The following ROBO2 variants were observed in gnomAD, a reference collection of about 807,000 sequenced individuals.
ROBO2 encodes the protein roundabout homolog 2.
In ROBO2, 53 loss-of-function variants were observed where a neutral mutation model predicts 160.8. The ratio of observed to expected loss-of-function variants is 0.33; its 90% confidence interval spans 0.26 to 0.41. The LOEUF is 0.41. Among genes scored for constraint, ROBO2 ranks in the 10% least tolerant of loss-of-function variants. ROBO2 has a pLI of 1.00. For missense variants in ROBO2, 1,577 were observed against 1,722.4 expected (o/e 0.92, Z 1.49); for synonymous variants, 664 against 611.7 (o/e 1.09, Z -1.26).
At chr3:76,176,811 A>G (rs1446413118) in intron 2 of ROBO2, among the ~76,000 whole-genome samples, 1 of 152,162 alleles carries the variant, frequency 6.6e-6, no homozygotes, top group African/African-American at 2.4e-5. Context: ...AACAGTCTCT[A>G]TTAATCTTTA....
At chr3:77,448,297 C>G (rs1233185066) in intron 2 of ROBO2, among the ~76,000 whole-genome samples, 1 of 152,078 alleles carries the variant, frequency 6.6e-6, no homozygotes, top group Non-Finnish European at 1.5e-5. Flanking sequence ...AGTAGCCCAG[C>G]TGCCCAGCTA....
At chr3:77,512,596 A>AT (rs1169417467) in intron 5 of ROBO2, among the ~76,000 whole-genome samples, 1 of 151,940 alleles carries the variant, frequency 6.6e-6, no homozygotes, top group African/African-American at 2.4e-5. Context: ...TGAATAAGTG[A>AT]TTTTCTCCTA....
intron 2 of ROBO2, among the ~76,000 whole-genome samples, chr3:76,917,126 C>T (rs755676266): frequency 1.3e-5 from 2 of 152,082 alleles, no homozygotes; most frequent in African/African-American, 4.8e-5. Flanking sequence ...TATCCGTACC[C>T]GGAGGGGAGA....
intron 2 of ROBO2, among the ~76,000 whole-genome samples, chr3:76,073,383 C>G (rs957506850): frequency 7.2e-6 from 1 of 138,072 alleles, no homozygotes; most frequent in Admixed American, 8.1e-5. Flanking sequence ...AAGCTCCCCT[C>G]CTGGGTTCCC....
intron 2 of ROBO2, among the ~76,000 whole-genome samples, chr3:77,187,356 T>C (rs2081374386): frequency 6.6e-6 from 1 of 151,970 alleles, no homozygotes; most frequent in Non-Finnish European, 1.5e-5. Context: ...CCAAAAGTTC[T>C]GATTGGTATC....
chr3:76,931,055 C>T (rs1455361704), intron 2 of ROBO2, among the ~76,000 whole-genome samples: 1 of 152,130 alleles, frequency 6.6e-6, no homozygotes, highest in South Asian at 2.1e-4. Flanking sequence ...GTTTTCACTG[C>T]TGCCTCATGA....
Position 77,561,688 on chromosome 3 carries a change from A to G in ROBO2, c.1438-963A>G, listed in dbSNP as rs370763161. ...TATTTATGTTCCCTTTCAGCTTGAA[A>G]TTGCAGTCACTCCATAGCCACATTT... On this transcript the variant is annotated intron_variant, in intron 9 of 25. Coordinates refer to ENST00000461745, the Ensembl canonical transcript of ROBO2. Among the ~76,000 whole-genome samples, 5 of 152,180 alleles carry G rather than the reference A, an allele frequency of 3.3e-5. No homozygotes were observed. The East Asian group carries it at 9.6e-4, about 29-fold the overall frequency.
chr3:77,482,267 T>C (rs2084796917), intron 4 of ROBO2, among the ~76,000 whole-genome samples: 1 of 152,192 alleles, frequency 6.6e-6, no homozygotes, highest in African/African-American at 2.4e-5. Context: ...TTAAAATCCC[T>C]ATTTCTGGTC....
intron 5 of ROBO2, among the ~76,000 whole-genome samples, chr3:77,502,746 A>C (rs760049699): frequency 4.8e-4 from 73 of 152,212 alleles, no homozygotes; most frequent in Non-Finnish European, 1.6e-4. Flanking sequence ...TAGATATGAT[A>C]ATCTACGATG....
At chr3:77,327,061 A>G (rs1198423036) in intron 2 of ROBO2, among the ~76,000 whole-genome samples, 1 of 152,194 alleles carries the variant, frequency 6.6e-6, no homozygotes, top group Non-Finnish European at 1.5e-5. Context: ...ATGATATTAT[A>G]AAAGTTCATA....
intron 2 of ROBO2, among the ~76,000 whole-genome samples, chr3:76,527,563 A>G (rs560085598): frequency 2.1e-4 from 32 of 152,250 alleles, no homozygotes; most frequent in Non-Finnish European, 3.8e-4. Flanking sequence ...TTAACTCATT[A>G]TATAAACACA....
At chr3:77,202,752 C>G (rs1209310155) in intron 2 of ROBO2, among the ~76,000 whole-genome samples, 1 of 151,980 alleles carries the variant, frequency 6.6e-6, no homozygotes, top group East Asian at 1.9e-4. Flanking sequence ...TTCTTTATTT[C>G]CTTCATTCAT....
intron 16 of ROBO2, among the ~76,000 whole-genome samples, chr3:77,585,296 G>T (rs780235374): frequency 8.0e-5 from 12 of 150,652 alleles, no homozygotes; most frequent in Non-Finnish European, 1.6e-4. Context: ...ACAAGCATAC[G>T]ATATAACCAA....
At chr3:76,443,082 G>GGA (rs1431144552) in intron 2 of ROBO2, among the ~76,000 whole-genome samples, 1 of 151,998 alleles carries the variant, frequency 6.6e-6, no homozygotes, top group East Asian at 1.9e-4. Context: ...CATGATGGAA[G>GGA]GAGAAGGGGA....
At chr3:76,560,982 G>T (rs2108490719) in intron 2 of ROBO2, among the ~76,000 whole-genome samples, 1 of 144,350 alleles carries the variant, frequency 6.9e-6, no homozygotes, top group East Asian at 2.0e-4. Context: ...GAGTATATCT[G>T]TGTGTGTGTG....
intron 2 of ROBO2, among the ~76,000 whole-genome samples, chr3:76,749,059 T>C (rs2093937748): frequency 6.6e-6 from 1 of 151,852 alleles, no homozygotes; most frequent in Non-Finnish European, 1.5e-5. Flanking sequence ...TTGGACTGTA[T>C]TGTTAAATGA....
intron 2 of ROBO2, among the ~76,000 whole-genome samples, chr3:77,296,572 A>T (rs1368300733): frequency 6.6e-6 from 1 of 152,010 alleles, no homozygotes; most frequent in Non-Finnish European, 1.5e-5. Flanking sequence ...CCATGTCTAG[A>T]GTCTAATTTA....
intron 2 of ROBO2, among the ~76,000 whole-genome samples, chr3:77,400,253 G>T (rs1293395688): frequency 2.6e-5 from 4 of 152,178 alleles, no homozygotes; most frequent in African/African-American, 9.6e-5. Flanking sequence ...TGGATAGGTT[G>T]TGAATTATCT....
chr3:76,539,445 C>T (rs188502805), intron 2 of ROBO2, among the ~76,000 whole-genome samples: 14 of 151,742 alleles, frequency 9.2e-5, no homozygotes, highest in Admixed American at 2.0e-4. Flanking sequence ...CCACAAAATT[C>T]GAGAATAAAC....
Sources: allele counts gnomAD v4.1 joint callset (sites outside exome capture counted in the v4.1 genomes callset), GRCh38; gene constraint gnomAD v4.1.1; transcripts MANE v1.5; gene names NCBI Gene and HGNC (gene_info 2026-07-23, HGNC 2026-07-21).